The following ICA1 variants were observed in gnomAD, a reference collection of about 807,000 sequenced individuals.
ICA1 encodes the protein 69 kDa islet cell autoantigen.
Under a neutral mutation model 71.0 loss-of-function variants are expected in ICA1, and 40 were observed. That is an observed-to-expected ratio of 0.56 (90% CI 0.44 to 0.73). ICA1 has a LOEUF of 0.73. Ranked by LOEUF, ICA1 falls within the 30% of genes least tolerant of loss-of-function variation. The pLI, the probability that ICA1 is intolerant of heterozygous loss-of-function variation, is 0.00. For synonymous variants in ICA1, 207 were observed against 209.5 expected (o/e 0.99, Z 0.10); for missense variants, 578 against 576.5 (o/e 1.00, Z -0.03).
rs541922884 is a variant in ICA1, at chr7:8,223,112, T to C, written c.257-1714A>G. ...ATTCCTATAATTATAAGAAGGTTTT[T>C]TGTTTTTTAATACATTCCATTCCTT... is the stretch of plus-strand genomic sequence containing the variant. On this transcript the variant is annotated intron_variant, in intron 4 of 13. Coordinates refer to ENST00000402384, the MANE Select transcript of ICA1 (RefSeq NM_001136020.3). This position sits in a 1 kb window ranked among gnomAD's most constrained non-coding sequence, Gnocchi z 4.1. Among the ~76,000 whole-genome samples the C allele has an allele frequency of 2.0e-5, 3 of 152,368 alleles. No homozygotes were observed. The highest frequency in any genetic ancestry group is 4.1e-4 in the South Asian group (2 of 4,828).
At chr7:8,239,965 G>C (rs753621374) in intron 1 of ICA1, among the ~76,000 whole-genome samples, 12 of 152,222 alleles carry the variant, frequency 7.9e-5, no homozygotes, top group Non-Finnish European at 1.2e-4. Flanking sequence ...CACCTCTGGG[G>C]GAAGGGCATC....
At chr7:8,225,084 C>T (rs958359478) in intron 4 of ICA1, among the ~76,000 whole-genome samples, 8 of 152,076 alleles carry the variant, frequency 5.3e-5, no homozygotes, top group Non-Finnish European at 7.4e-5. Flanking sequence ...TACAGATCTT[C>T]GGGGGAATAC....
At chr7:8,158,685 C>A in intron 6 of ICA1, 33 bp from the exon 7 acceptor site, 1 of 1,611,216 alleles carries the variant, frequency 6.2e-7, no homozygotes, top group Non-Finnish European at 8.5e-7. Flanking sequence ...CTGAATCACC[C>A]TAACCCTTAA....
chr7:8,153,128 G>C (rs1179974381), intron 8 of ICA1, among the ~76,000 whole-genome samples: 4 of 152,184 alleles, frequency 2.6e-5, no homozygotes, highest in African/African-American at 9.7e-5. Context: ...TGCAGAGCCA[G>C]ACTTAAAGCT....
At chr7:8,154,167 A>G (rs1449599458) in intron 8 of ICA1, among the ~76,000 whole-genome samples, 1 of 152,188 alleles carries the variant, frequency 6.6e-6, no homozygotes, top group Non-Finnish European at 1.5e-5. Flanking sequence ...AAACATTACA[A>G]CAAAATATCA....
chr7:8,211,002 G>A (rs1425434844), intron 6 of ICA1, among the ~76,000 whole-genome samples: 1 of 152,186 alleles, frequency 6.6e-6, no homozygotes, highest in Non-Finnish European at 1.5e-5. Context: ...CCTGCACTTT[G>A]GGTTGGAGGA....
At chr7:8,158,466 T>A (rs886174558) in intron 7 of ICA1, 61 bp downstream of exon 7, 2 of 1,586,608 alleles carry the variant, frequency 1.3e-6, no homozygotes, top group African/African-American at 2.7e-5. Context: ...CAAACACCAT[T>A]TTGATGTTAT....
chr7:8,211,880 A>G (rs951891234), intron 6 of ICA1, among the ~76,000 whole-genome samples: 1 of 152,174 alleles, frequency 6.6e-6, no homozygotes, highest in Admixed American at 6.5e-5. Context: ...TTGTGAAAGG[A>G]GCCAGACCAC....
intron 6 of ICA1, among the ~76,000 whole-genome samples, chr7:8,170,444 A>G (rs927396627): frequency 3.9e-5 from 6 of 151,990 alleles, no homozygotes; most frequent in Admixed American, 2.6e-4. Flanking sequence ...TGACATCTTA[A>G]TATCTTCTGA....
rs185975736 is a variant in ICA1, at chr7:8,159,734, C to T, written c.580-1082G>A. On this transcript the variant is annotated intron_variant, in intron 6 of 13. Coordinates refer to ENST00000402384, the MANE Select transcript of ICA1 (RefSeq NM_001136020.3). ...ACAAATAAACATCCAACAACAAAAC[C>T]AAAAAACAAAACAAAATATGAAGTT... Among the ~76,000 whole-genome samples, 2 of 152,112 alleles carry T rather than the reference C, an allele frequency of 1.3e-5. 1 individual carries two copies. The highest frequency in any genetic ancestry group is 1.3e-4 in the Admixed American group (2 of 15,274).
At chr7:8,206,033 A>G (rs1791425031) in intron 6 of ICA1, among the ~76,000 whole-genome samples, 1 of 151,874 alleles carries the variant, frequency 6.6e-6, no homozygotes, top group Admixed American at 6.6e-5. Context: ...TTTTTTGGGA[A>G]AGGATTTTCT....
intron 12 of ICA1, among the ~76,000 whole-genome samples, chr7:8,137,304 A>T (rs1180568173): frequency 6.6e-6 from 1 of 152,254 alleles, no homozygotes; most frequent in African/African-American, 2.4e-5. Context: ...TAATAAAAGC[A>T]AAGAGCAAAT....
intron 13 of ICA1, 60 bp from the exon 14 acceptor site, chr7:8,114,104 C>A (rs1368388025): frequency 2.5e-6 from 4 of 1,581,824 alleles, no homozygotes; most frequent in Admixed American, 1.7e-5. Flanking sequence ...CTCTGCCATG[C>A]GGGATGCAGG....
chr7:8,119,988 T>C (rs115114188), intron 13 of ICA1, among the ~76,000 whole-genome samples: 507 of 152,334 alleles, frequency 3.3e-3, no homozygotes, highest in African/African-American at 0.012. Flanking sequence ...GATTTTTAAA[T>C]ATTGTTCACC....
At chr7:8,163,129 G>T (rs1007753070) in intron 6 of ICA1, among the ~76,000 whole-genome samples, 2 of 152,144 alleles carry the variant, frequency 1.3e-5, no homozygotes, top group Admixed American at 6.5e-5. Flanking sequence ...CAGCAATTCA[G>T]TTTACCAGAG....
chr7:8,184,433 A>G (rs894337712), intron 6 of ICA1, among the ~76,000 whole-genome samples: 1 of 152,218 alleles, frequency 6.6e-6, no homozygotes, highest in Non-Finnish European at 1.5e-5. Context: ...TTACTTTGAA[A>G]TAACAGCTGA....
At chr7:8,237,977 T>C (rs539289781) in intron 1 of ICA1, among the ~76,000 whole-genome samples, 17 of 152,280 alleles carry the variant, frequency 1.1e-4, no homozygotes, top group African/African-American at 3.6e-4. Flanking sequence ...TCTTGGAAGC[T>C]GCAACTATAG....
intron 13 of ICA1, chr7:8,114,847 G>C (rs1029888479): frequency 2.0e-5 from 3 of 152,212 alleles, no homozygotes; most frequent in Non-Finnish European, 4.4e-5. Flanking sequence ...TCATTGGCTT[G>C]GATGACCTGT....
intron 8 of ICA1, among the ~76,000 whole-genome samples, chr7:8,155,212 A>G (rs778066093): frequency 2.6e-5 from 4 of 152,228 alleles, no homozygotes; most frequent in Non-Finnish European, 5.9e-5. Context: ...AGATTATATC[A>G]CAATTAAACC....
Sources: gnomAD v4.1 joint callset for allele counts (sites outside exome capture counted in the v4.1 genomes callset) on GRCh38, gnomAD v4.1.1 for gene constraint, Gnocchi (gnomAD v3.1) non-coding constraint, MANE v1.5 for transcripts, NCBI Gene and HGNC (gene_info 2026-07-23, HGNC 2026-07-21) for gene names.